SLC5A4: variants seen among roughly 807,000 people sequenced by gnomAD.
SLC5A4 encodes solute carrier family 5 member 4.
SLC5A4 carries 55 observed loss-of-function variants against 70.3 expected under a neutral mutation model. That is an observed-to-expected ratio of 0.78 (90% CI 0.63 to 0.98). SLC5A4 has a LOEUF of 0.98. SLC5A4 is among the 50% of genes least tolerant of loss of function. SLC5A4 has a pLI of 0.00. For missense variants in SLC5A4, 735 were observed against 839.2 expected (o/e 0.88, Z 1.53); for synonymous variants, 268 against 305.7 (o/e 0.88, Z 1.29).
At chr22:32,272,154 C>T in the SLC5A4 span, 67 of 703,314 alleles carry the variant, frequency 9.5e-5, no homozygotes, top group Middle Eastern at 4.8e-4. Context: ...TCAAAGGCTA[C>T]GCGTGGCCGC....
chr22:32,242,677 C>G (rs891322741), intron 5 of SLC5A4, among the ~76,000 whole-genome samples: 6 of 152,094 alleles, frequency 3.9e-5, no homozygotes, highest in African/African-American at 1.4e-4. Flanking sequence ...CCACTGCACT[C>G]CAGCCTGGGC....
the SLC5A4 span, among the ~76,000 whole-genome samples, chr22:32,263,368 T>C: frequency 2.0e-5 from 3 of 152,222 alleles, no homozygotes; most frequent in Admixed American, 2.0e-4. Flanking sequence ...GCCAACAAGT[T>C]GGTTAGCCCA....
intron 13 of SLC5A4, among the ~76,000 whole-genome samples, chr22:32,223,628 A>G (rs1360745388): frequency 1.3e-5 from 2 of 152,172 alleles, no homozygotes; most frequent in African/African-American, 2.4e-5. Flanking sequence ...CACAGCCCAG[A>G]TGACAGCTCT....
At chr22:32,291,177 T>TCTTC in the SLC5A4 span, among the ~76,000 whole-genome samples, 69,995 of 146,838 alleles carry the variant, frequency 0.48, 16,934 homozygotes, top group Admixed American at 0.51. Flanking sequence ...TTCATTGTTC[T>TCTTC]CTTTTTATAT....
chr22:32,306,631 A>G, the SLC5A4 span, among the ~76,000 whole-genome samples: 1 of 152,186 alleles, frequency 6.6e-6, no homozygotes, highest in South Asian at 2.1e-4. Context: ...CAGAGTTTAC[A>G]GGAGAGAAAA....
the SLC5A4 span, among the ~76,000 whole-genome samples, chr22:32,330,948 TCTGGTGTGTGTGTGTTGGGGGCA>T: frequency 1.0e-3 from 11 of 10,934 alleles, 1 homozygote; most frequent in Non-Finnish European, 2.1e-3. Context: ...TGTTGGAGGC[TCTGGTGTGTGTGTGTTGGGGGCA>T]CTGGTGTGTG....
chr22:32,261,258 C>G, the SLC5A4 span, among the ~76,000 whole-genome samples: 3 of 152,198 alleles, frequency 2.0e-5, no homozygotes, highest in Non-Finnish European at 4.4e-5. Context: ...AGTTCAGGTC[C>G]TGGGTCAGAG....
chr22:32,335,809 C>T, the SLC5A4 span, among the ~76,000 whole-genome samples: 1 of 54 alleles, frequency 0.019, no homozygotes, highest in Admixed American at 0.17. Context: ...GTCCCCCTCT[C>T]CCCCAGCACC....
chr22:32,262,690 C>T, the SLC5A4 span, among the ~76,000 whole-genome samples: 4 of 152,102 alleles, frequency 2.6e-5, no homozygotes, highest in Non-Finnish European at 5.9e-5. Flanking sequence ...ATGTACAGAA[C>T]ATCCAAGTGC....
At chr22:32,304,930 A>AT in the SLC5A4 span, among the ~76,000 whole-genome samples, 1 of 151,570 alleles carries the variant, frequency 6.6e-6, no homozygotes, top group Non-Finnish European at 1.5e-5. Context: ...TCAGATTCGT[A>AT]TTTTTCCACG....
chr22:32,270,520 T>A, the SLC5A4 span: 1 of 712,506 alleles, frequency 1.4e-6, no homozygotes, highest in East Asian at 2.5e-5. Context: ...CCGCAGACAG[T>A]GATTCCTGAT....
the SLC5A4 span, among the ~76,000 whole-genome samples, chr22:32,343,474 T>C: frequency 2.6e-5 from 4 of 152,214 alleles, no homozygotes; most frequent in African/African-American, 9.6e-5. Flanking sequence ...GAATCTTCCA[T>C]TTTAAGAAAT....
chr22:32,291,332 T>C, the SLC5A4 span, among the ~76,000 whole-genome samples: 4 of 151,524 alleles, frequency 2.6e-5, no homozygotes, highest in Admixed American at 6.6e-5. Flanking sequence ...TGCGCCACCA[T>C]GCCTGGCCAA....
chr22:32,285,126 A>C, the SLC5A4 span: 1 of 152,206 alleles, frequency 6.6e-6, no homozygotes, highest in Non-Finnish European at 1.5e-5. Context: ...TTTTATAATA[A>C]AAGTAGATGT....
At chr22:32,233,352 A>G (rs1211919090) in intron 8 of SLC5A4, among the ~76,000 whole-genome samples, 1 of 152,204 alleles carries the variant, frequency 6.6e-6, no homozygotes, top group African/African-American at 2.4e-5. Context: ...AAGTTAAGTG[A>G]AATAAGCCAG....
the SLC5A4 span, among the ~76,000 whole-genome samples, chr22:32,305,584 C>T: frequency 6.7e-6 from 1 of 148,288 alleles, no homozygotes; most frequent in South Asian, 2.2e-4. Flanking sequence ...GACTGGGCTG[C>T]AAGATCTGGT....
chr22:32,221,568 A>G (rs1355553129), intron 13 of SLC5A4, among the ~76,000 whole-genome samples: 2 of 152,278 alleles, frequency 1.3e-5, no homozygotes, highest in South Asian at 2.1e-4. Flanking sequence ...TTAAACTATT[A>G]TGCTTTATAT....
chr22:32,347,232 T>C, the SLC5A4 span, among the ~76,000 whole-genome samples: 2 of 151,974 alleles, frequency 1.3e-5, no homozygotes, highest in African/African-American at 4.8e-5. Flanking sequence ...TGTGGAGAAA[T>C]AGGAACACTT....
At chr22:32,230,442 AT>A (rs1925680260) in intron 10 of SLC5A4, among the ~76,000 whole-genome samples, 1 of 152,164 alleles carries the variant, frequency 6.6e-6, no homozygotes, top group Non-Finnish European at 1.5e-5. Flanking sequence ...AGGGGACTTT[AT>A]GCCTATTTCA....
Sources: gnomAD v4.1 joint callset for allele counts (sites outside exome capture counted in the v4.1 genomes callset) on GRCh38, gnomAD v4.1.1 for gene constraint, MANE v1.5 for transcripts, NCBI Gene and HGNC (gene_info 2026-07-23, HGNC 2026-07-21) for gene names.